SIPA1L1: variants seen among roughly 807,000 people sequenced by gnomAD.
SIPA1L1 encodes the protein signal-induced proliferation-associated 1-like protein 1.
SIPA1L1 carries 26 observed loss-of-function variants against 162.7 expected under a neutral mutation model. That is an observed-to-expected ratio of 0.16 (90% CI 0.12 to 0.22). The LOEUF (loss-of-function observed/expected upper bound fraction) is 0.22. Ranked by LOEUF, SIPA1L1 falls within the 10% of genes least tolerant of loss-of-function variation. The pLI is 1.00. For missense variants in SIPA1L1, 1,874 were observed against 2,241.0 expected (o/e 0.84, Z 3.31); for synonymous variants, 829 against 837.4 (o/e 0.99, Z 0.17).
chr14:71,343,992 A>T (rs1311561294), intron 2 of SIPA1L1, among the ~76,000 whole-genome samples: 1 of 152,238 alleles, frequency 6.6e-6, no homozygotes, highest in Non-Finnish European at 1.5e-5. Context: ...TTTAGATTGC[A>T]GTGTCCACTG....
At chr14:71,557,189 T>C (rs1012324931) in intron 4 of SIPA1L1, among the ~76,000 whole-genome samples, 1 of 152,248 alleles carries the variant, frequency 6.6e-6, no homozygotes, top group Admixed American at 6.5e-5. Flanking sequence ...ATATTCAGTG[T>C]ATTCAGTCTG....
At chr14:71,677,319 T>G (rs2149451245) in intron 12 of SIPA1L1, among the ~76,000 whole-genome samples, 1 of 152,330 alleles carries the variant, frequency 6.6e-6, no homozygotes, top group East Asian at 1.9e-4. Flanking sequence ...TTGATGGGGT[T>G]GTTTGATTTT....
At chr14:71,591,883 T>A (rs893050211) in intron 5 of SIPA1L1, among the ~76,000 whole-genome samples, 1 of 152,264 alleles carries the variant, frequency 6.6e-6, no homozygotes, top group Non-Finnish European at 1.5e-5. Flanking sequence ...AGCTTTCTTT[T>A]TAATGACTTG....
chr14:71,329,922 T>C (rs141485425), intron 2 of SIPA1L1, among the ~76,000 whole-genome samples: 212 of 152,292 alleles, frequency 1.4e-3, no homozygotes, highest in Non-Finnish European at 2.5e-3. Context: ...CAGGTTCTCA[T>C]TGGAGTCTCC....
rs921130350 is a variant in SIPA1L1 at position 71,377,258 on chromosome 14, C to T, written c.-465+56077C>T. Among the ~76,000 whole-genome samples the T allele has an allele frequency of 1.1e-4, 16 of 150,192 alleles. No individual in the cohort carries two copies. The highest frequency in any genetic ancestry group is 6.6e-5 in the Admixed American group (1 of 15,166). On this transcript the variant is annotated intron_variant, in intron 2 of 23. Transcript: ENST00000381232. This position sits in a 1 kb window ranked among gnomAD's most constrained non-coding sequence, Gnocchi z 4.8. Reference sequence around the variant, plus strand: ...CGGGGGTGCCCCCCCACCTCCCAGACGGGGCGGCGGCCGGACGGGGGCGTT... The same window carrying T: ...CGGGGGTGCCCCCCCACCTCCCAGATGGGGCGGCGGCCGGACGGGGGCGTT...
chr14:71,649,248 G>A (rs2042425711), intron 7 of SIPA1L1, among the ~76,000 whole-genome samples: 1 of 140,310 alleles, frequency 7.1e-6, no homozygotes, highest in African/African-American at 2.7e-5. Context: ...GCTGGAGTAT[G>A]TGGTACAGTC....
chr14:71,523,286 A>G (rs1427726750), intron 3 of SIPA1L1, among the ~76,000 whole-genome samples: 1 of 151,972 alleles, frequency 6.6e-6, no homozygotes, highest in Non-Finnish European at 1.5e-5. Context: ...ATAGAGAGAA[A>G]AAGGCCTGCA....
At chr14:71,483,156 G>A (rs2048478303) in intron 2 of SIPA1L1, among the ~76,000 whole-genome samples, 1 of 152,164 alleles carries the variant, frequency 6.6e-6, no homozygotes, top group Non-Finnish European at 1.5e-5. Flanking sequence ...AGGGCTATTA[G>A]AATTTTATTC....
At position 71,700,287 on chromosome 14, in the gene SIPA1L1, C is replaced by T. The variant is rs148315334; in HGVS notation, c.3521+1160C>T. On this transcript the variant is annotated intron_variant, in intron 14 of 23. Transcript: ENST00000381232. ...CAAGTGGGCACTGTGGTCCCATATA[C>T]TTGATAGGCTAAGGCAGGAGAAGAT... 2.6e-4 allele frequency among the ~76,000 whole-genome samples: 39 copies of T among 151,688 alleles called. No individual in the cohort carries two copies. The East Asian group carries it at 6.4e-3, about 25-fold the overall frequency.
At position 71,412,116 on chromosome 14, in the gene SIPA1L1, A is replaced by G. The variant is rs375319703; in HGVS notation, c.-465+90935A>G. ...TGTTATAGATTTCTTCACCTATTCT[A>G]TGGGTGCAAGCTGCAGGCCAGTTGT... On this transcript the variant is annotated intron_variant, in intron 2 of 23. Coordinates refer to ENST00000381232, the MANE Select transcript of SIPA1L1 (RefSeq NM_001386936.1). Among the ~76,000 whole-genome samples, 37 of 152,320 alleles carry G rather than the reference A, an allele frequency of 2.4e-4. No homozygotes were observed. The East Asian group carries it at 2.9e-3, about 12-fold the overall frequency.
intron 2 of SIPA1L1, among the ~76,000 whole-genome samples, chr14:71,450,797 G>C (rs2045759253): frequency 6.6e-6 from 1 of 152,148 alleles, no homozygotes; most frequent in Non-Finnish European, 1.5e-5. Context: ...CTTGCATACT[G>C]TTGGTGGGAA....
At chr14:71,694,950 A>G (rs749214084) in intron 13 of SIPA1L1, among the ~76,000 whole-genome samples, 1 of 152,150 alleles carries the variant, frequency 6.6e-6, no homozygotes, top group African/African-American at 2.4e-5. Flanking sequence ...TGGTTTTCCT[A>G]TGTGAGCCAA....
intron 5 of SIPA1L1, among the ~76,000 whole-genome samples, chr14:71,608,233 C>T (rs2148234976): frequency 6.6e-6 from 1 of 152,276 alleles, no homozygotes; most frequent in Admixed American, 6.5e-5. Context: ...GTAGATTTTG[C>T]TAAGTGTTTG....
chr14:71,322,741 T>C (rs2033228279), intron 2 of SIPA1L1, among the ~76,000 whole-genome samples: 1 of 152,252 alleles, frequency 6.6e-6, no homozygotes, highest in Admixed American at 6.5e-5. Flanking sequence ...AATTTTCTTA[T>C]TAATGCTTAA....
At chr14:71,583,236 C>T (rs888002595) in intron 4 of SIPA1L1, among the ~76,000 whole-genome samples, 2 of 152,192 alleles carry the variant, frequency 1.3e-5, no homozygotes, top group Non-Finnish European at 2.9e-5. Context: ...AGCCATCTGC[C>T]TGCCTTGGCC....
chr14:71,697,583 T>C (rs2081742934), intron 13 of SIPA1L1, among the ~76,000 whole-genome samples: 1 of 152,096 alleles, frequency 6.6e-6, no homozygotes. Context: ...CTTGAAAAGG[T>C]CTGATTTGGA....
intron 2 of SIPA1L1, among the ~76,000 whole-genome samples, chr14:71,494,123 G>A (rs1214343485): frequency 6.6e-6 from 1 of 152,118 alleles, no homozygotes; most frequent in Non-Finnish European, 1.5e-5. Context: ...GTTTTATTTT[G>A]TTTTGCCTTC....
chr14:71,682,879 C>T (rs1381184601), intron 12 of SIPA1L1, among the ~76,000 whole-genome samples: 1 of 152,234 alleles, frequency 6.6e-6, no homozygotes, highest in Non-Finnish European at 1.5e-5. Flanking sequence ...GTGAGCTGGG[C>T]ACAGTGGCTC....
At chr14:71,647,669 C>G (rs1318936014) in intron 7 of SIPA1L1, among the ~76,000 whole-genome samples, 2 of 152,110 alleles carry the variant, frequency 1.3e-5, no homozygotes, top group African/African-American at 2.4e-5. Context: ...TAATGTTCAG[C>G]CCTGGAATCT....
Sources: allele counts gnomAD v4.1 joint callset (sites outside exome capture counted in the v4.1 genomes callset), GRCh38; gene constraint gnomAD v4.1.1; non-coding constraint Gnocchi (gnomAD v3.1); transcripts MANE v1.5; gene names NCBI Gene and HGNC (gene_info 2026-07-23, HGNC 2026-07-21).